Variants in ARK2C observed in about 807,000 individuals in gnomAD.
The protein encoded by ARK2C is E3 ubiquitin-protein ligase ARK2C.
chr18:46,438,907 T>C, the ARK2C span, among the ~76,000 whole-genome samples: 1 of 152,238 alleles, frequency 6.6e-6, no homozygotes, highest in African/African-American at 2.4e-5. Flanking sequence ...GGAGCTACTG[T>C]TATCATCATC....
chr18:46,455,115 G>A, the ARK2C span, among the ~76,000 whole-genome samples: 1 of 152,172 alleles, frequency 6.6e-6, no homozygotes, highest in African/African-American at 2.4e-5. Context: ...ATTGCTTTAC[G>A]ATAGTGCCTA....
the ARK2C span, among the ~76,000 whole-genome samples, chr18:46,349,271 C>T: frequency 1.3e-5 from 2 of 152,106 alleles, no homozygotes; most frequent in Non-Finnish European, 2.9e-5. Flanking sequence ...GGAATCCAAG[C>T]TCAAGGTGCC....
At chr18:46,374,542 A>G in the ARK2C span, among the ~76,000 whole-genome samples, 3 of 152,080 alleles carry the variant, frequency 2.0e-5, 1 homozygote, top group South Asian at 6.2e-4. Context: ...GGTTTATTTC[A>G]TTCAGGAGAA....
At chr18:46,385,043 G>A in the ARK2C span, among the ~76,000 whole-genome samples, 1 of 152,154 alleles carries the variant, frequency 6.6e-6, no homozygotes, top group African/African-American at 2.4e-5. Flanking sequence ...AGAGTGGTGT[G>A]CAGGGCTCCC....
At chr18:46,392,671 G>A in the ARK2C span, among the ~76,000 whole-genome samples, 32 of 152,252 alleles carry the variant, frequency 2.1e-4, no homozygotes, top group African/African-American at 7.7e-4. Flanking sequence ...GGCCAGCCTC[G>A]GGCTGAGGGT....
chr18:46,435,734 A>G, the ARK2C span, among the ~76,000 whole-genome samples: 1 of 152,132 alleles, frequency 6.6e-6, no homozygotes, highest in Non-Finnish European at 1.5e-5. Context: ...GGGAGAGCAG[A>G]AAGGAGAATT....
chr18:46,409,348 A>G, the ARK2C span, among the ~76,000 whole-genome samples: 11 of 152,180 alleles, frequency 7.2e-5, no homozygotes, highest in Non-Finnish European at 4.4e-5. Flanking sequence ...TCTTCTGAGA[A>G]AGAGGGAAGG....
chr18:46,444,638 A>ATTT, the ARK2C span, among the ~76,000 whole-genome samples: 7 of 139,222 alleles, frequency 5.0e-5, no homozygotes, highest in African/African-American at 1.9e-4. Context: ...TAATTTAAAC[A>ATTT]TTTTTTTTTT....
At chr18:46,442,988 G>A in the ARK2C span, among the ~76,000 whole-genome samples, 1 of 152,118 alleles carries the variant, frequency 6.6e-6, no homozygotes, top group Non-Finnish European at 1.5e-5. Flanking sequence ...CACTTACGGG[G>A]TATATCTCTT....
the ARK2C span, among the ~76,000 whole-genome samples, chr18:46,380,133 CCTT>C: frequency 6.6e-6 from 1 of 152,254 alleles, no homozygotes; most frequent in Non-Finnish European, 1.5e-5. Context: ...CGAACCTCTG[CCTT>C]CTTCTCCATC....
chr18:46,357,910 G>T, the ARK2C span, among the ~76,000 whole-genome samples: 28 of 152,182 alleles, frequency 1.8e-4, no homozygotes, highest in Non-Finnish European at 2.9e-5. Flanking sequence ...CTCTTCTGGG[G>T]GTTGCTGGCA....
At chr18:46,340,242 T>C in the ARK2C span, among the ~76,000 whole-genome samples, 3 of 152,318 alleles carry the variant, frequency 2.0e-5, no homozygotes, top group Non-Finnish European at 1.5e-5. Context: ...TCCAAGAGAA[T>C]TGGGGGAAAG....
At chr18:46,424,523 G>A in the ARK2C span, among the ~76,000 whole-genome samples, 1 of 152,178 alleles carries the variant, frequency 6.6e-6, no homozygotes, top group East Asian at 1.9e-4. Flanking sequence ...CAGCTCTGAT[G>A]TGCCCATCTC....
the ARK2C span, among the ~76,000 whole-genome samples, chr18:46,354,373 G>T: frequency 6.6e-6 from 1 of 152,212 alleles, no homozygotes; most frequent in Non-Finnish European, 1.5e-5. Flanking sequence ...ACACTGCCAG[G>T]GCCCATGCAC....
At chr18:46,434,345 TAAC>T in the ARK2C span, among the ~76,000 whole-genome samples, 16 of 152,338 alleles carry the variant, frequency 1.1e-4, no homozygotes, top group Admixed American at 2.0e-4. Context: ...CTCTTAAAAA[TAAC>T]AACAAATTCA....
the ARK2C span, among the ~76,000 whole-genome samples, chr18:46,367,055 A>C: frequency 6.6e-6 from 1 of 152,180 alleles, no homozygotes; most frequent in Non-Finnish European, 1.5e-5. Flanking sequence ...AACGCTATGG[A>C]CCTCATAAAG....
the ARK2C span, chr18:46,450,246 T>C: frequency 1.5e-5 from 18 of 1,226,954 alleles, no homozygotes; most frequent in East Asian, 3.7e-4. Context: ...GCTGGGCTCA[T>C]GGAGAAACCT....
At chr18:46,338,647 C>G in the ARK2C span, among the ~76,000 whole-genome samples, 1 of 152,060 alleles carries the variant, frequency 6.6e-6, no homozygotes, top group Non-Finnish European at 1.5e-5. Context: ...CTGGAGAAGC[C>G]AGTGGAGAGG....
chr18:46,380,247 C>A, the ARK2C span, among the ~76,000 whole-genome samples: 1 of 152,194 alleles, frequency 6.6e-6, no homozygotes, highest in African/African-American at 2.4e-5. Flanking sequence ...TGGCATCTGG[C>A]ACAGCTGGTG....
Sources: allele counts gnomAD v4.1 joint callset (sites outside exome capture counted in the v4.1 genomes callset), GRCh38; gene constraint gnomAD v4.1.1; transcripts MANE v1.5; gene names NCBI Gene and HGNC (gene_info 2026-07-23, HGNC 2026-07-21).